Variants in TTLL9 observed in about 807,000 individuals in gnomAD.
The protein encoded by TTLL9 is probable tubulin polyglutamylase TTLL9.
In TTLL9, 47 loss-of-function variants were observed where a neutral mutation model predicts 65.6. The observed-to-expected ratio is 0.72, with a 90% CI of 0.57 to 0.91. The LOEUF is 0.91. Ranked by LOEUF, TTLL9 falls within the 40% of genes least tolerant of loss-of-function variation. TTLL9 has a pLI of 0.00. For synonymous variants in TTLL9, 179 were observed against 204.8 expected (o/e 0.87, Z 1.07); for missense variants, 537 against 568.8 (o/e 0.94, Z 0.57).
chr20:31,925,818 G>A lies in TTLL9; in HGVS notation c.706-231G>A, dbSNP rs1351437447. 16 of 1,477,474 alleles carry A rather than the reference G, an allele frequency of 1.1e-5. No individual in the cohort carries two copies. In the East Asian group the frequency reaches 2.5e-4, roughly 23 times the overall value. 91.5% of individuals were successfully genotyped at this position (1,477,474 alleles called of 1,614,324 possible). On this transcript the variant is annotated intron_variant, in intron 9 of 14. Transcript: ENST00000535842. ...GGTGCAAGAGCTAGGCGGTGTGAGA[G>A]TGCCTGTATATATTCCCTTTCCCTT...
chr20:31,887,655 G>C (rs1362156001), intron 3 of TTLL9, among the ~76,000 whole-genome samples: 1 of 152,072 alleles, frequency 6.6e-6, no homozygotes, highest in Non-Finnish European at 1.5e-5. Flanking sequence ...GCTGTGCTCT[G>C]ATCTTCTGCT....
intron 2 of TTLL9, among the ~76,000 whole-genome samples, chr20:31,884,811 T>G (rs1023632767): frequency 3.9e-5 from 6 of 152,246 alleles, no homozygotes; most frequent in African/African-American, 1.2e-4. Flanking sequence ...ATTTTAAGGT[T>G]CTTTGATTAG....
intron 10 of TTLL9, among the ~76,000 whole-genome samples, chr20:31,928,125 A>C (rs1411134266): frequency 1.3e-5 from 2 of 151,838 alleles, no homozygotes; most frequent in African/African-American, 4.8e-5. Flanking sequence ...GTGACCTCTC[A>C]GTAAATGTTA....
At chr20:31,920,982 T>G (rs2063807973) in intron 7 of TTLL9, among the ~76,000 whole-genome samples, 1 of 152,166 alleles carries the variant, frequency 6.6e-6, no homozygotes, top group Non-Finnish European at 1.5e-5. Flanking sequence ...CTTCCAGAGC[T>G]GGGCTGGCAG....
At position 31,893,714 on chromosome 20, in the gene TTLL9, A is replaced by G. The variant is rs966713838; in HGVS notation, c.114-4759A>G. 1.4e-4 allele frequency among the ~76,000 whole-genome samples: 20 copies of G among 147,128 alleles called. No homozygotes were observed. The South Asian group carries it at 1.5e-3, about 11-fold the overall frequency. On this transcript the variant is annotated intron_variant, in intron 3 of 14. Coordinates refer to ENST00000535842, the MANE Select transcript of TTLL9 (RefSeq NM_001008409.5). ...TGTTCTGTTTTTCAGCAATTTGACT[A>G]TGGTTTACCTGGGTGTAGTTTACGT...
chr20:31,929,991 G>A (rs908017725), intron 10 of TTLL9, among the ~76,000 whole-genome samples: 1 of 152,150 alleles, frequency 6.6e-6, no homozygotes, highest in Non-Finnish European at 1.5e-5. Context: ...AGCCAGGCAT[G>A]GTGGCAGGCG....
rs1445828934 is a variant in TTLL9, at chr20:31,911,829, T to TGC, written c.504+1909_504+1910dup. 3.3e-3 allele frequency among the ~76,000 whole-genome samples: 348 copies of TGC among 105,556 alleles called. 2 individuals are homozygous for TGC. The highest frequency in any genetic ancestry group is 0.012 in the African/African-American group (331 of 28,578). 69.2% of individuals were successfully genotyped at this position (105,556 alleles called of 152,430 possible). ...GAGGCATCTTGGCTCGGTGTGTCTG[T>TGC]GCGTGTGTGTGTGTGTGTGTGTGTG... On this transcript the variant is annotated intron_variant, in intron 6 of 14. Transcript: ENST00000535842.
intron 2 of TTLL9, among the ~76,000 whole-genome samples, chr20:31,879,051 AG>A (rs2063073560): frequency 6.6e-6 from 1 of 152,222 alleles, no homozygotes; most frequent in South Asian, 2.1e-4. Context: ...GGCCGGGTGC[AG>A]TGGCTCACGC....
chr20:31,915,026 C>T (rs6141624), intron 6 of TTLL9, among the ~76,000 whole-genome samples: 1 of 152,206 alleles, frequency 6.6e-6, no homozygotes, highest in South Asian at 2.1e-4. Flanking sequence ...AACAGCAGGC[C>T]TCACAGCTAC....
intron 13 of TTLL9, chr20:31,938,012 G>A (rs2064142446): frequency 2.7e-6 from 1 of 376,728 alleles, no homozygotes; most frequent in Non-Finnish European, 5.3e-6. Context: ...AATGTTGGCT[G>A]GTCTATTCTC....
At chr20:31,877,215 T>C (rs1200024481) in intron 2 of TTLL9, among the ~76,000 whole-genome samples, 3 of 152,206 alleles carry the variant, frequency 2.0e-5, no homozygotes, top group Non-Finnish European at 4.4e-5. Context: ...CTCGGCTCAC[T>C]GCAACCTCCG....
rs2063005376 is a variant in TTLL9, at chr20:31,874,117, T to G, written c.69+2922T>G. Among the ~76,000 whole-genome samples the G allele has an allele frequency of 3.3e-5, 5 of 152,368 alleles. 1 individual carries two copies. The highest frequency in any genetic ancestry group is 1.2e-4 in the African/African-American group (5 of 41,590). Reference sequence around the variant, plus strand: ...ATATGTGTTATTAGACCTAACATATTTAATATCTATGTACTGTTCAGCCTT... The same window carrying G: ...ATATGTGTTATTAGACCTAACATATGTAATATCTATGTACTGTTCAGCCTT... On this transcript the variant is annotated intron_variant, in intron 2 of 14. Coordinates refer to ENST00000535842, the MANE Select transcript of TTLL9 (RefSeq NM_001008409.5).
At chr20:31,907,168 C>T (rs1380035442) in intron 4 of TTLL9, among the ~76,000 whole-genome samples, 2 of 152,228 alleles carry the variant, frequency 1.3e-5, no homozygotes, top group East Asian at 3.8e-4. Context: ...TCAAATCCTG[C>T]TCTGCCACTT....
chr20:31,879,600 G>A (rs1434622937), intron 2 of TTLL9: 8 of 456,386 alleles, frequency 1.8e-5, no homozygotes, highest in Non-Finnish European at 3.2e-5. Flanking sequence ...GAGGCGGCGT[G>A]GGGCAGAGGG....
Position 31,899,922 on chromosome 20 carries a change from A to T in TTLL9, c.206+1357A>T, listed in dbSNP as rs192617474. Reference sequence around the variant, plus strand: ...ACTACAGGTGCCCGCCACCACGACCAGCTAATTTTTTGTATTTTTAGTAGA... The same window carrying T: ...ACTACAGGTGCCCGCCACCACGACCTGCTAATTTTTTGTATTTTTAGTAGA... On this transcript the variant is annotated intron_variant, in intron 4 of 14. Coordinates refer to ENST00000535842, the MANE Select transcript of TTLL9 (RefSeq NM_001008409.5). Among the ~76,000 whole-genome samples the T allele has an allele frequency of 3.0e-3, 450 of 152,112 alleles. 4 individuals are homozygous for T. The highest frequency in any genetic ancestry group is 9.9e-3 in the African/African-American group (413 of 41,508).
At chr20:31,897,713 G>C (rs1031706981) in intron 3 of TTLL9, among the ~76,000 whole-genome samples, 1 of 152,078 alleles carries the variant, frequency 6.6e-6, no homozygotes, top group African/African-American at 2.4e-5. Flanking sequence ...ACAGCACCGA[G>C]CGGGGGTGTT....
In TTLL9 at chr20:31,944,757, T is replaced by C. The variant is rs1251643071; in HGVS notation, c.*1736T>C. 6.6e-6 allele frequency: 1 copy of C among 152,212 alleles called. No individual in the cohort carries two copies. The highest frequency in any genetic ancestry group is 1.5e-5 in the Non-Finnish European group (1 of 68,056). The allele number at this position is 152,212 out of a possible 1,614,324, so 9.4% of individuals were successfully genotyped here. A position where few individuals can be genotyped will look rare whatever the true frequency, so the allele number is the denominator to read the frequency against. ...TAAGAACTGGCCATGACAGCCTGTG[T>C]TTCTATGTAACTATGAGCCAGAGCC... On this transcript the variant is annotated 3_prime_UTR_variant, in exon 15 of 15. Transcript: ENST00000535842.
At chr20:31,909,615 A>C (rs1456759125) in intron 5 of TTLL9, 122 bp from the exon 6 acceptor site, 1 of 800,716 alleles carries the variant, frequency 1.2e-6, no homozygotes, top group Admixed American at 2.6e-5. Flanking sequence ...AGTTACTCTT[A>C]CTGTTGCTAT....
chr20:31,910,465 A>G (rs2063629749), intron 6 of TTLL9, among the ~76,000 whole-genome samples: 1 of 152,212 alleles, frequency 6.6e-6, no homozygotes, highest in Non-Finnish European at 1.5e-5. Context: ...GAATGGTGTC[A>G]GGAGAGGGAT....
Sources: allele counts gnomAD v4.1 joint callset (sites outside exome capture counted in the v4.1 genomes callset), GRCh38; gene constraint gnomAD v4.1.1; transcripts MANE v1.5; gene names NCBI Gene and HGNC (gene_info 2026-07-23, HGNC 2026-07-21).